Variants in PCDH15 observed in about 807,000 individuals in gnomAD.
The protein encoded by PCDH15 is protocadherin related 15.
Under a neutral mutation model 178.5 loss-of-function variants are expected in PCDH15, and 129 were observed. The ratio of observed to expected loss-of-function variants is 0.72; its 90% CI spans 0.63 to 0.84. The LOEUF is 0.84. Ranked by LOEUF, PCDH15 falls within the 40% of genes least tolerant of loss-of-function variation. The probability of loss-of-function intolerance (pLI) is 0.00; values close to 1 mark genes in which losing one functional copy is unlikely to be tolerated. For synonymous variants in PCDH15, 800 were observed against 732.0 expected (o/e 1.09, Z -1.50); for missense variants, 2,230 against 2,099.9 (o/e 1.06, Z -1.21).
chr10:54,536,580 T>G (rs2084551381), intron 2 of PCDH15, among the ~76,000 whole-genome samples: 1 of 152,190 alleles, frequency 6.6e-6, no homozygotes, highest in Non-Finnish European at 1.5e-5. Context: ...GGGATATGAT[T>G]GATTCCATCA....
rs768200772 is a variant in PCDH15 at position 54,022,973 on chromosome 10, G to A, written c.2445C>T (p.Asn815=). The change falls in exon 19 of 38, where the codon AAC becomes AAT. Residue 815 remains asparagine (N), a synonymous_variant. Transcript: ENST00000644397. ...LAIKVLDIDD[N]SPVFTNSTYT... ...ATGTTGAATTGGTGAACACAGGACT[G>A]TTATCATCAATGTCCAAAACCTTGA... The A allele has an allele frequency of 1.5e-4, 241 of 1,613,812 alleles. 2 individuals carry two copies. In the East Asian group the frequency reaches 5.3e-3, roughly 35 times the overall value.
intron 26 of PCDH15, among the ~76,000 whole-genome samples, chr10:53,869,628 C>T (rs2133195564): frequency 6.6e-6 from 1 of 152,166 alleles, no homozygotes; most frequent in Middle Eastern, 3.4e-3. Flanking sequence ...CACACATCTA[C>T]ATGACCAGCA....
chr10:53,841,596 C>T (rs867342092), intron 28 of PCDH15, among the ~76,000 whole-genome samples: 3 of 152,122 alleles, frequency 2.0e-5, no homozygotes, highest in Non-Finnish European at 4.4e-5. Context: ...GAGACACTAC[C>T]AATCATAGTG....
At chr10:53,818,299 T>G (rs1029702811) in intron 33 of PCDH15, 13 of 243,360 alleles carry the variant, frequency 5.3e-5, no homozygotes, top group African/African-American at 2.7e-4. Flanking sequence ...ATGACAAACT[T>G]TGACTCTATT....
At chr10:55,076,514 C>A (rs1171229804) in intron 2 of PCDH15, among the ~76,000 whole-genome samples, 1 of 150,576 alleles carries the variant, frequency 6.6e-6, no homozygotes, top group African/African-American at 2.4e-5. Context: ...TGAAGTGGTG[C>A]GATCTCAGTT....
At chr10:53,886,595 C>CTTTTTTTTTT (rs36171553) in intron 26 of PCDH15, among the ~76,000 whole-genome samples, 1 of 72,786 alleles carries the variant, frequency 1.4e-5, no homozygotes, top group Non-Finnish European at 2.4e-5. Context: ...ATGTATGCCT[C>CTTTTTTTTTT]TTTTTTTTTT....
At chr10:55,253,715 T>C (rs1416067695) in intron 1 of PCDH15, among the ~76,000 whole-genome samples, 1 of 152,162 alleles carries the variant, frequency 6.6e-6, no homozygotes, top group Admixed American at 6.5e-5. Context: ...TAAAGCTGAA[T>C]CACTGAAGTA....
intron 2 of PCDH15, among the ~76,000 whole-genome samples, chr10:55,583,506 T>C (rs1842664423): frequency 6.6e-6 from 1 of 152,184 alleles, no homozygotes; most frequent in Admixed American, 6.5e-5. Flanking sequence ...CGATCTCAGC[T>C]TACTGCAACC....
chr10:54,392,162 T>C (rs1406407999), intron 3 of PCDH15, among the ~76,000 whole-genome samples: 1 of 151,920 alleles, frequency 6.6e-6, no homozygotes, highest in Non-Finnish European at 1.5e-5. Flanking sequence ...GCTAGTTTAA[T>C]TTAAAAAAAA....
At chr10:54,190,769 C>G (rs1410070324) in intron 11 of PCDH15, among the ~76,000 whole-genome samples, 3 of 152,238 alleles carry the variant, frequency 2.0e-5, no homozygotes, top group Non-Finnish European at 2.9e-5. Flanking sequence ...TTAAAGTTTT[C>G]TTTTCATAAT....
chr10:54,781,237 A>G (rs572974914), intron 1 of PCDH15, among the ~76,000 whole-genome samples: 1 of 152,174 alleles, frequency 6.6e-6, no homozygotes, highest in Non-Finnish European at 1.5e-5. Flanking sequence ...ACATAGGTAT[A>G]CACTTGCTAT....
intron 3 of PCDH15, among the ~76,000 whole-genome samples, chr10:54,386,923 T>G (rs1353605437): frequency 1.3e-5 from 2 of 152,172 alleles, no homozygotes; most frequent in Non-Finnish European, 2.9e-5. Context: ...TTCAAGAGAT[T>G]AATTTTACAT....
rs1352271137 is a variant in PCDH15 at position 53,806,731 on chromosome 10, T to G, written c.5071A>C (p.Arg1691=). The change falls in exon 38 of 38, where the codon AGG becomes CGG. Residue 1691 remains arginine, a synonymous_variant. Coordinates refer to ENST00000644397, the MANE Select transcript of PCDH15 (RefSeq NM_001384140.1). ...DNTAVKPLRN[R]LKSTVEQESM... ...TCCTGTTCAACTGTGCTTTTCAGCC[T>G]GTTCCTTAGTGGCTTCACCGCTGTA... is the stretch of plus-strand genomic sequence containing the variant. 8.1e-6 allele frequency: 13 copies of G among 1,613,770 alleles called. No homozygotes were observed. The highest frequency in any genetic ancestry group is 1.3e-5 in the African/African-American group (1 of 74,918).
At chr10:55,614,720 C>A (rs571895746) in intron 2 of PCDH15, among the ~76,000 whole-genome samples, 14 of 152,156 alleles carry the variant, frequency 9.2e-5, no homozygotes, top group African/African-American at 3.4e-4. Flanking sequence ...TGGGTATGAT[C>A]AACTTCAAAC....
At chr10:55,358,231 A>G (rs889461311) in intron 2 of PCDH15, among the ~76,000 whole-genome samples, 15 of 152,144 alleles carry the variant, frequency 9.9e-5, no homozygotes, top group Admixed American at 6.6e-5. Context: ...AATTTAGAGG[A>G]AACATTTTGT....
In PCDH15 at chr10:54,830,741, TA is replaced by T. The variant is rs568762053; in HGVS notation, c.-29+66708del. ...CTAAAACTTAAAGTATAATAATAAT[TA>T]AAAAAAAAGGAAACCTCATATTCCA... On this transcript the variant is annotated intron_variant, in intron 3 of 5. Transcript: ENST00000458638. Among the ~76,000 whole-genome samples the T allele has an allele frequency of 8.5e-4, 123 of 144,888 alleles. 1 individual carries two copies. In the South Asian group the frequency reaches 0.014, roughly 16 times the overall value.
intron 2 of PCDH15, among the ~76,000 whole-genome samples, chr10:54,905,233 T>C: frequency 6.6e-6 from 1 of 152,110 alleles, no homozygotes; most frequent in East Asian, 1.9e-4. Flanking sequence ...CTTTTTATTT[T>C]CTCTCAACAG....
At chr10:53,959,645 AAAT>A (rs1238706237) in intron 23 of PCDH15, 84 bp downstream of exon 23, 1 of 1,019,408 alleles carries the variant, frequency 9.8e-7, no homozygotes, top group Admixed American at 2.0e-5. Context: ...GTCTACTCAT[AAAT>A]TCATATTACA....
intron 21 of PCDH15, among the ~76,000 whole-genome samples, chr10:53,992,019 T>C (rs1359929142): frequency 1.3e-5 from 2 of 152,078 alleles, no homozygotes; most frequent in Admixed American, 6.5e-5. Flanking sequence ...ATCTTGCTGC[T>C]GCTTACTGTT....
Sources: allele counts gnomAD v4.1 joint callset (sites outside exome capture counted in the v4.1 genomes callset), GRCh38; gene constraint gnomAD v4.1.1; transcripts MANE v1.5; gene names NCBI Gene and HGNC (gene_info 2026-07-23, HGNC 2026-07-21).